RNF111: variants seen among roughly 807,000 people sequenced by gnomAD.
RNF111 encodes E3 ubiquitin-protein ligase Arkadia.
A neutral mutation model predicts 95.1 loss-of-function variants in RNF111; 17 were observed. The ratio of observed to expected loss-of-function variants is 0.18; its 90% CI spans 0.12 to 0.27. RNF111 has a LOEUF of 0.27. Ranked by LOEUF, RNF111 falls within the 10% of genes least tolerant of loss-of-function variation. The pLI, the probability that RNF111 is intolerant of heterozygous loss-of-function variation, is 1.00. For missense variants in RNF111, 1,189 were observed against 1,210.4 expected, an observed-to-expected ratio of 0.98 and a Z score of 0.26; for synonymous variants, 440 against 414.8, an observed-to-expected ratio of 1.06 and a Z score of -0.74.
intron 9 of RNF111, 95 bp downstream of exon 9, chr15:59,084,349 G>T: frequency 3.2e-6 from 4 of 1,244,318 alleles, no homozygotes; most frequent in Non-Finnish European, 4.3e-6. Context: ...GCAGAAGGAT[G>T]ATGTGGAGAA....
intron 1 of RNF111, among the ~76,000 whole-genome samples, chr15:59,028,324 C>T (rs1007028857): frequency 1.3e-5 from 2 of 151,992 alleles, no homozygotes; most frequent in Non-Finnish European, 2.9e-5. Context: ...AGTCTGCGCC[C>T]CTGTCCAAGG....
chr15:59,026,148 A>G (rs1030377985), intron 1 of RNF111, among the ~76,000 whole-genome samples: 1 of 152,158 alleles, frequency 6.6e-6, no homozygotes, highest in Admixed American at 6.5e-5. Flanking sequence ...GCATCATACC[A>G]ATAATAGTGT....
intron 6 of RNF111, among the ~76,000 whole-genome samples, chr15:59,072,716 T>TGCTG (rs1367226910): frequency 9.9e-5 from 15 of 151,990 alleles, no homozygotes; most frequent in African/African-American, 3.4e-4. Context: ...CCTCCCAAAG[T>TGCTG]GCTGGGATTA....
At chr15:58,991,517 A>G (rs528161777) in intron 1 of RNF111, among the ~76,000 whole-genome samples, 1 of 152,286 alleles carries the variant, frequency 6.6e-6, no homozygotes, top group South Asian at 2.1e-4. Flanking sequence ...CCATGAGGAA[A>G]ATAGGACCAT....
intron 1 of RNF111, among the ~76,000 whole-genome samples, chr15:59,006,584 A>G (rs575571777): frequency 6.6e-5 from 10 of 152,348 alleles, no homozygotes; most frequent in South Asian, 4.1e-4. Flanking sequence ...CCTAGATTCT[A>G]TGATTAACAA....
rs1488962124 is a variant in RNF111, at chr15:59,076,182, C to G, written c.1915C>G (p.Leu639Val). 3 of 1,613,790 alleles carry G rather than the reference C, an allele frequency of 1.9e-6. No individual in the cohort carries two copies. The highest frequency in any genetic ancestry group is 2.5e-6 in the Non-Finnish European group (3 of 1,180,034). ...PQPQPPPQPS[L>V]SSCRHYMPPP... Reference sequence around the variant, plus strand: ...GCCCCAGCCCCCTCCACAGCCCTCTCTCTCATCATGTCGACATTACATGCC... The same window carrying G: ...GCCCCAGCCCCCTCCACAGCCCTCTGTCTCATCATGTCGACATTACATGCC... Residue 639 changes from leucine (L) to valine (V), a missense_variant, in exon 7 of 14, where the codon CTC (leucine) becomes GTC (valine). By Grantham distance (32) the Leu-to-Val change is conservative. This residue lies in a region of RNF111 where 1,024 missense variants were observed against 925.9 expected (regional missense o/e 1.11). Coordinates refer to ENST00000348370, the MANE Select transcript of RNF111 (RefSeq NM_017610.8).
intron 5 of RNF111, among the ~76,000 whole-genome samples, chr15:59,061,299 T>C (rs942586266): frequency 1.3e-5 from 2 of 152,174 alleles, no homozygotes; most frequent in Non-Finnish European, 2.9e-5. Flanking sequence ...TCAACTATGT[T>C]CTCCACAACC....
At chr15:59,008,223 T>C (rs2141511186) in intron 1 of RNF111, among the ~76,000 whole-genome samples, 2 of 152,336 alleles carry the variant, frequency 1.3e-5, no homozygotes, top group Admixed American at 1.3e-4. Context: ...CATTTTTGTT[T>C]GTTTGTTTTT....
intron 2 of RNF111, among the ~76,000 whole-genome samples, chr15:59,036,620 G>C (rs2041192567): frequency 6.6e-6 from 1 of 152,188 alleles, no homozygotes; most frequent in Non-Finnish European, 1.5e-5. Context: ...CCCTTGGCAT[G>C]TGGGCATTAT....
At position 59,084,686 on chromosome 15, in the gene RNF111, A is replaced by G. The variant is rs565600269; in HGVS notation, c.2423+432A>G. On this transcript the variant is annotated intron_variant, in intron 9 of 13. Coordinates refer to ENST00000348370, the MANE Select transcript of RNF111 (RefSeq NM_017610.8). ...TACGTTATTCTTCACTGTAGTCACCATGCTGTGCAGTAGAATATCAGAACT... is the reference window on the plus strand; with the variant it reads ...TACGTTATTCTTCACTGTAGTCACCGTGCTGTGCAGTAGAATATCAGAACT... 3.9e-5 allele frequency among the ~76,000 whole-genome samples: 6 copies of G among 152,232 alleles called. No individual in the cohort carries two copies. In the East Asian group the frequency reaches 9.7e-4, roughly 24 times the overall value.
Position 59,085,791 on chromosome 15 carries a change from A to G in RNF111, c.2550+6A>G. On this transcript the variant is annotated splice_donor_region_variant and intron_variant, in intron 10 of 13. Coordinates refer to ENST00000348370, the MANE Select transcript of RNF111 (RefSeq NM_017610.8). ...TAGGAGCTCTTCCTTTAATGGTAAA[A>G]TGGAAAATTTTCAAAATTTTGACAT... 1 of 1,610,278 alleles carries G rather than the reference A, an allele frequency of 6.2e-7. No individual in the cohort carries two copies. Among genetic ancestry groups the G allele is most frequent in the Non-Finnish European group, 8.5e-7 (1 of 1,178,270 alleles).
At chr15:59,011,493 G>A (rs1029981061) in intron 1 of RNF111, among the ~76,000 whole-genome samples, 3 of 152,174 alleles carry the variant, frequency 2.0e-5, no homozygotes, top group Non-Finnish European at 2.9e-5. Flanking sequence ...GCCACAGATG[G>A]AGTGGCTTAA....
chr15:59,034,120 A>G (rs190706791), intron 2 of RNF111, among the ~76,000 whole-genome samples: 136 of 152,356 alleles, frequency 8.9e-4, no homozygotes, highest in African/African-American at 3.1e-3. Context: ...CTATTCAAGG[A>G]TAAATAATGT....
intron 1 of RNF111, among the ~76,000 whole-genome samples, chr15:58,994,473 C>CTT (rs35787227): frequency 3.7e-3 from 260 of 69,510 alleles, no homozygotes; most frequent in African/African-American, 6.9e-3. Context: ...TTTTCTCTCT[C>CTT]TTTTTTTTTT....
At chr15:59,042,382 T>C (rs559977814) in intron 2 of RNF111, among the ~76,000 whole-genome samples, 8 of 152,314 alleles carry the variant, frequency 5.3e-5, no homozygotes, top group Admixed American at 5.2e-4. Flanking sequence ...CCGCTCGGCC[T>C]CACAAGGTGC....
At chr15:59,025,683 A>C (rs1314729838) in intron 1 of RNF111, among the ~76,000 whole-genome samples, 1 of 151,740 alleles carries the variant, frequency 6.6e-6, no homozygotes, top group African/African-American at 2.4e-5. Flanking sequence ...TTTTCTGATA[A>C]TCTCTAAAAC....
At chr15:58,990,839 A>C (rs1323433381) in intron 1 of RNF111, among the ~76,000 whole-genome samples, 2 of 152,144 alleles carry the variant, frequency 1.3e-5, no homozygotes, top group African/African-American at 4.8e-5. Flanking sequence ...AGAAACCTGT[A>C]ATTATTGTTC....
chr15:59,069,882 G>A (rs1186341820), intron 6 of RNF111, among the ~76,000 whole-genome samples: 2 of 151,658 alleles, frequency 1.3e-5, no homozygotes, highest in African/African-American at 4.8e-5. Flanking sequence ...CAGATTGTGC[G>A]TAGTCAAATA....
At position 59,031,195 on chromosome 15, in the gene RNF111, C is replaced by G; in HGVS notation, c.373C>G (p.Pro125Ala). ...AGGACTGAGGCAACACCTAGGGACA[C>G]CAAGTGATGAAGATAATGATTCCTC... is the stretch of plus-strand genomic sequence containing the variant. ...ILGLRQHLGTPSDEDNDSSFS... is the reference protein window; with the variant it reads ...ILGLRQHLGTASDEDNDSSFS... The change falls in exon 2 of 14, where the codon CCA becomes GCA. Residue 125 changes from proline to alanine, a missense_variant. Around this residue, in one of 2 missense-constraint regions of RNF111, gnomAD observed 1,024 missense variants for 925.9 expected, o/e 1.11. Coordinates refer to ENST00000348370, the MANE Select transcript of RNF111 (RefSeq NM_017610.8). 6.2e-7 allele frequency: 1 copy of G among 1,614,106 alleles called. No individual in the cohort carries two copies. Among genetic ancestry groups the G allele is most frequent in the Non-Finnish European group, 8.5e-7 (1 of 1,180,008 alleles).
Sources: allele counts gnomAD v4.1 joint callset (sites outside exome capture counted in the v4.1 genomes callset), GRCh38; gene constraint gnomAD v4.1.1; regional missense constraint gnomAD v4.1.1; transcripts MANE v1.5; gene names NCBI Gene and HGNC (gene_info 2026-07-23, HGNC 2026-07-21).